The following SEPTIN14 variants were observed in gnomAD, a reference collection of about 807,000 sequenced individuals.
SEPTIN14 encodes septin-14.
In SEPTIN14, 40 loss-of-function variants were observed where a neutral mutation model predicts 53.6. The ratio of observed to expected loss-of-function variants is 0.75; its 90% CI spans 0.58 to 0.97. The LOEUF (loss-of-function observed/expected upper bound fraction) is 0.97, where lower values mean the gene tolerates loss of function less well. Ranked by LOEUF, SEPTIN14 falls within the 50% of genes least tolerant of loss-of-function variation. SEPTIN14 has a pLI of 0.00. For synonymous variants in SEPTIN14, 138 were observed against 166.8 expected, an observed-to-expected ratio of 0.83 and a Z score of 1.33; for missense variants, 471 against 508.2, an observed-to-expected ratio of 0.93 and a Z score of 0.70.
chr7:55,811,201 G>A, intron 7 of SEPTIN14: 1 of 519,244 alleles, frequency 1.9e-6, no homozygotes. Flanking sequence ...AGCCATTCAT[G>A]CCATTCATCT....
intron 2 of SEPTIN14, among the ~76,000 whole-genome samples, chr7:55,858,220 C>T: frequency 6.6e-6 from 1 of 152,124 alleles, no homozygotes; most frequent in Non-Finnish European, 1.5e-5. Context: ...ACAATGGATT[C>T]AGAACCATGT....
intron 6 of SEPTIN14, among the ~76,000 whole-genome samples, chr7:55,829,950 G>A (rs915435385): frequency 6.6e-5 from 10 of 151,734 alleles, no homozygotes; most frequent in East Asian, 1.9e-4. Context: ...AGGCCGAGGC[G>A]GGCGGATCAC....
chr7:55,796,111 G>C lies in SEPTIN14; in HGVS notation c.1120-19C>G. ...CCTGCAGCTGTGAAACCAATGTGCA[G>C]TTGTGACACCAAAGCACAGTGTGGC... On this transcript the variant is annotated intron_variant, in intron 9 of 9. Coordinates refer to ENST00000388975, the MANE Select transcript of SEPTIN14 (RefSeq NM_207366.3). The C allele has an allele frequency of 2.1e-6, 3 of 1,442,938 alleles. No homozygotes were observed. The highest frequency in any genetic ancestry group is 2.9e-6 in the Non-Finnish European group (3 of 1,040,960). 89.4% of individuals were successfully genotyped at this position (1,442,938 alleles called of 1,614,324 possible). A position where few individuals can be genotyped will look rare whatever the true frequency, so the allele number is the denominator to read the frequency against.
At chr7:55,844,871 A>T (rs1432505212) in intron 3 of SEPTIN14, among the ~76,000 whole-genome samples, 153 bp from the exon 4 acceptor site, 1 of 151,864 alleles carries the variant, frequency 6.6e-6, no homozygotes, top group Non-Finnish European at 1.5e-5. Context: ...GGGGAGCAGG[A>T]GAAAGGAAAG....
intron 9 of SEPTIN14, chr7:55,798,762 A>T (rs35416441): frequency 0.012 from 2,354 of 194,846 alleles, 31 homozygotes; most frequent in Non-Finnish European, 0.018. Flanking sequence ...GAGAGGCAGA[A>T]GTACCATGAC....
intron 5 of SEPTIN14, among the ~76,000 whole-genome samples, chr7:55,841,431 TTA>T (rs2116046460): frequency 6.6e-6 from 1 of 152,214 alleles, no homozygotes; most frequent in Non-Finnish European, 1.5e-5. Flanking sequence ...GAAACTTTTT[TTA>T]TGTTTAGATA....
At chr7:55,810,871 T>C (rs1788689079) in intron 7 of SEPTIN14, 3 of 314,444 alleles carry the variant, frequency 9.5e-6, no homozygotes, top group African/African-American at 2.2e-5. Context: ...AGGCCTGGAG[T>C]TGGCTTCACT....
At chr7:55,835,226 A>C (rs1789184018) in intron 5 of SEPTIN14, among the ~76,000 whole-genome samples, 1 of 151,136 alleles carries the variant, frequency 6.6e-6, no homozygotes, top group South Asian at 2.1e-4. Flanking sequence ...TTTCAGACAG[A>C]GTCTGGCTCT....
intron 9 of SEPTIN14, among the ~76,000 whole-genome samples, chr7:55,802,580 A>G (rs1276176369): frequency 6.6e-6 from 1 of 152,162 alleles, no homozygotes; most frequent in African/African-American, 2.4e-5. Flanking sequence ...ATCTCAAAAC[A>G]TATGTAAATC....
At chr7:55,796,395 TG>T (rs1316172551) in intron 9 of SEPTIN14, among the ~76,000 whole-genome samples, 1 of 152,044 alleles carries the variant, frequency 6.6e-6, no homozygotes, top group Non-Finnish European at 1.5e-5. Flanking sequence ...CCCGAGAAGC[TG>T]GGACTACAGG....
At position 55,837,832 on chromosome 7, in the gene SEPTIN14, C is replaced by G. The variant is rs137870479; in HGVS notation, c.559-3246G>C. Among the ~76,000 whole-genome samples the G allele has an allele frequency of 5.9e-5, 9 of 152,316 alleles. No homozygotes were observed. In the East Asian group the frequency reaches 1.7e-3, roughly 29 times the overall value. On this transcript the variant is annotated intron_variant, in intron 5 of 9. Transcript: ENST00000388975. ...TCCTGACCTCAGGTGATCTACCTGTCTCGGCCTCCCAGAGTGCCGGGATTA... is the reference window on the plus strand; with the variant it reads ...TCCTGACCTCAGGTGATCTACCTGTGTCGGCCTCCCAGAGTGCCGGGATTA...
chr7:55,835,174 A>G (rs1446937405), intron 5 of SEPTIN14, among the ~76,000 whole-genome samples: 1 of 151,676 alleles, frequency 6.6e-6, no homozygotes, highest in Non-Finnish European at 1.5e-5. Flanking sequence ...ATAGTAGGAC[A>G]ATGTAAATTA....
Position 55,807,150 on chromosome 7 carries a change from C to T in SEPTIN14, c.926G>A (p.Arg309Lys), listed in dbSNP as rs1788622631. Reference protein sequence around the residue: ...KTHTQHYECYRYQKLQKMGFT... With the variant: ...KTHTQHYECYKYQKLQKMGFT... ...GCCCATTTTCTGCAGTTTTTGGTACCTATAACATTCATAGTGCTGAGTGTG... is the reference window on the plus strand; with the variant it reads ...GCCCATTTTCTGCAGTTTTTGGTACTTATAACATTCATAGTGCTGAGTGTG... The change falls in exon 8 of 10, where the codon AGG becomes AAG. Residue 309 changes from arginine to lysine, a missense_variant. Arg to Lys is a conservative substitution (Grantham distance 26). Transcript: ENST00000388975. The T allele has an allele frequency of 2.5e-6, 4 of 1,609,028 alleles. No individual in the cohort carries two copies. Among genetic ancestry groups the T allele is most frequent in the Non-Finnish European group, 3.4e-6 (4 of 1,178,332 alleles).
At chr7:55,861,567 C>T (rs1005307473) in intron 2 of SEPTIN14, among the ~76,000 whole-genome samples, 1 of 151,902 alleles carries the variant, frequency 6.6e-6, no homozygotes, top group East Asian at 1.9e-4. Context: ...AGCCATCCAA[C>T]CATTTGCTAA....
At chr7:55,831,599 T>C (rs1329274599) in intron 6 of SEPTIN14, among the ~76,000 whole-genome samples, 1 of 152,072 alleles carries the variant, frequency 6.6e-6, no homozygotes, top group Non-Finnish European at 1.5e-5. Context: ...GAAAAGGAAA[T>C]GCAACAAAAC....
intron 7 of SEPTIN14, 70 bp downstream of exon 7, chr7:55,819,057 T>C (rs1366866551): frequency 1.1e-6 from 1 of 873,242 alleles, no homozygotes; most frequent in East Asian, 2.7e-5. Context: ...TAAAATGTTA[T>C]TTTGAGACTA....
At chr7:55,808,207 T>A (rs1326922694) in intron 7 of SEPTIN14, among the ~76,000 whole-genome samples, 1 of 152,164 alleles carries the variant, frequency 6.6e-6, no homozygotes, top group African/African-American at 2.4e-5. Context: ...TAATACCCAT[T>A]TTTCTCAAAC....
chr7:55,856,933 C>T (rs959596429), intron 2 of SEPTIN14, among the ~76,000 whole-genome samples: 5 of 151,452 alleles, frequency 3.3e-5, no homozygotes, highest in African/African-American at 4.8e-5. Flanking sequence ...ATTAGCTGGG[C>T]GTGGTGCATG....
chr7:55,800,701 G>T (rs373416447), intron 9 of SEPTIN14, among the ~76,000 whole-genome samples: 3 of 152,044 alleles, frequency 2.0e-5, no homozygotes, highest in Admixed American at 6.6e-5. Context: ...TGGTAGGGGT[G>T]GGGGGAAGTG....
Sources: gnomAD v4.1 joint callset for allele counts (sites outside exome capture counted in the v4.1 genomes callset) on GRCh38, gnomAD v4.1.1 for gene constraint, MANE v1.5 for transcripts, NCBI Gene and HGNC (gene_info 2026-07-23, HGNC 2026-07-21) for gene names.